The following ZNRF3 variants were observed in gnomAD, a reference collection of about 807,000 sequenced individuals.
ZNRF3 encodes zinc and ring finger 3.
In ZNRF3, 23 loss-of-function variants were observed where a neutral mutation model predicts 72.5. The observed-to-expected ratio is 0.32, with a 90% CI of 0.23 to 0.45. ZNRF3 has a LOEUF of 0.45. Ranked by LOEUF, ZNRF3 falls within the 20% of genes least tolerant of loss-of-function variation. The probability of loss-of-function intolerance (pLI) is 1.00; values close to 1 mark genes in which losing one functional copy is unlikely to be tolerated. For synonymous variants in ZNRF3, 610 were observed against 545.3 expected, an observed-to-expected ratio of 1.12 and a Z score of -1.65; for missense variants, 1,169 against 1,272.1, an observed-to-expected ratio of 0.92 and a Z score of 1.23.
intron 1 of ZNRF3, among the ~76,000 whole-genome samples, chr22:28,954,189 G>T (rs1439207344): frequency 2.0e-5 from 3 of 152,150 alleles, no homozygotes; most frequent in African/African-American, 7.2e-5. Flanking sequence ...AAATACCATG[G>T]ACTGTGTGGT....
intron 1 of ZNRF3, among the ~76,000 whole-genome samples, chr22:28,960,438 G>T (rs1489642147): frequency 6.6e-6 from 1 of 152,176 alleles, no homozygotes; most frequent in African/African-American, 2.4e-5. Flanking sequence ...GGGATCTTCA[G>T]TGGCATCCCA....
At chr22:28,918,051 G>T (rs779515281) in intron 1 of ZNRF3, among the ~76,000 whole-genome samples, 1 of 152,224 alleles carries the variant, frequency 6.6e-6, no homozygotes, top group Admixed American at 6.5e-5. Context: ...AGCTGTTTGC[G>T]TGCTTAGAGG....
At chr22:28,964,209 A>G (rs765296631) in intron 1 of ZNRF3, among the ~76,000 whole-genome samples, 12 of 152,300 alleles carry the variant, frequency 7.9e-5, no homozygotes, top group Non-Finnish European at 1.5e-4. Flanking sequence ...AGAAACCTAT[A>G]TTGATTGTGT....
At chr22:28,932,449 T>C (rs1242129445) in intron 1 of ZNRF3, among the ~76,000 whole-genome samples, 1 of 152,196 alleles carries the variant, frequency 6.6e-6, no homozygotes, top group Non-Finnish European at 1.5e-5. Flanking sequence ...AAAATGTCCA[T>C]TTTGCTGATG....
At chr22:28,918,640 A>C (rs1268608840) in intron 1 of ZNRF3, among the ~76,000 whole-genome samples, 1 of 151,928 alleles carries the variant, frequency 6.6e-6, no homozygotes, top group Non-Finnish European at 1.5e-5. Flanking sequence ...ACAGCCACCA[A>C]GCTTGCCTGG....
At chr22:29,032,030 A>G (rs2123872253) in intron 2 of ZNRF3, among the ~76,000 whole-genome samples, 1 of 152,352 alleles carries the variant, frequency 6.6e-6, no homozygotes, top group Non-Finnish European at 1.5e-5. Context: ...CCAGAGAGCC[A>G]AGGCGCCAGA....
Position 29,050,488 on chromosome 22 carries a change from A to G in ZNRF3, c.2307A>G (p.Thr769=). The G allele has an allele frequency of 1.9e-6, 3 of 1,612,828 alleles. No individual in the cohort carries two copies. Among genetic ancestry groups the G allele is most frequent in the Non-Finnish European group, 2.5e-6 (3 of 1,179,926 alleles). Residue 769 remains threonine, a synonymous_variant, in exon 8 of 9, where the codon ACA becomes ACG. Transcript: ENST00000544604. ...TTCACCCCGACCATTTGCCCAGGAC[A>G]GATGGGGTGAAATACGAGGGTCTGC... ...YGLHPDHLPR[T]DGVKYEGLPC...
At chr22:28,980,490 A>C (rs1219648789) in intron 1 of ZNRF3, among the ~76,000 whole-genome samples, 1 of 152,216 alleles carries the variant, frequency 6.6e-6, no homozygotes, top group Non-Finnish European at 1.5e-5. Context: ...CTTCCTTCCC[A>C]AAATATCCCT....
intron 1 of ZNRF3, among the ~76,000 whole-genome samples, chr22:28,943,790 T>C (rs931170348): frequency 6.6e-6 from 1 of 152,186 alleles, no homozygotes; most frequent in African/African-American, 2.4e-5. Context: ...ATTACCTAAA[T>C]CTCCACACAT....
At chr22:28,957,490 A>G (rs1161997405) in intron 1 of ZNRF3, among the ~76,000 whole-genome samples, 1 of 152,060 alleles carries the variant, frequency 6.6e-6, no homozygotes, top group Non-Finnish European at 1.5e-5. Context: ...CCCAGGCTGG[A>G]GTGCAATGGC....
intron 4 of ZNRF3, 111 bp downstream of exon 4, chr22:29,043,541 C>T (rs1753047111): frequency 7.5e-7 from 1 of 1,342,122 alleles, no homozygotes; most frequent in African/African-American, 1.5e-5. Flanking sequence ...TGGCATACCC[C>T]AGGTTCCTGC....
intron 1 of ZNRF3, among the ~76,000 whole-genome samples, chr22:28,921,899 G>C (rs577690929): frequency 1.3e-5 from 2 of 152,286 alleles, no homozygotes; most frequent in South Asian, 4.1e-4. Flanking sequence ...TGCTACGTTA[G>C]GATTAATATA....
At chr22:28,923,630 G>T (rs999515157) in intron 1 of ZNRF3, among the ~76,000 whole-genome samples, 1 of 151,958 alleles carries the variant, frequency 6.6e-6, no homozygotes, top group Non-Finnish European at 1.5e-5. Context: ...ACCTGGCCCC[G>T]CTTGTTTCAC....
intron 1 of ZNRF3, among the ~76,000 whole-genome samples, chr22:28,956,278 GT>G (rs1264315997): frequency 1.3e-5 from 2 of 149,604 alleles, no homozygotes; most frequent in African/African-American, 2.5e-5. Context: ...GTGATGGATA[GT>G]TTTGGCTTTC....
chr22:29,027,310 G>A (rs918647516), intron 2 of ZNRF3, among the ~76,000 whole-genome samples: 15 of 151,952 alleles, frequency 9.9e-5, no homozygotes, highest in Admixed American at 2.0e-4. Context: ...GTGCAATGGC[G>A]CGATCTTGGC....
At chr22:29,023,880 G>A (rs2036579343) in intron 2 of ZNRF3, among the ~76,000 whole-genome samples, 1 of 152,174 alleles carries the variant, frequency 6.6e-6, no homozygotes, top group African/African-American at 2.4e-5. Flanking sequence ...TTGAGCCAAT[G>A]TCGGCATATT....
intron 2 of ZNRF3, among the ~76,000 whole-genome samples, chr22:29,022,087 G>A (rs1368115137): frequency 6.6e-6 from 1 of 152,130 alleles, no homozygotes; most frequent in Non-Finnish European, 1.5e-5. Context: ...AATTTAACAC[G>A]AATGGAATCA....
Position 29,056,237 on chromosome 22 carries a change from G to GT in ZNRF3, c.*2615_*2616insT, listed in dbSNP as rs2037294760. On this transcript the variant is annotated 3_prime_UTR_variant, in exon 9 of 9. Transcript: ENST00000544604. ...CTGCCTCAGCCTCCCAAGTAGCTGGGATTACAGGCATGCGCCACCACACCC... is the reference window on the plus strand; with the variant it reads ...CTGCCTCAGCCTCCCAAGTAGCTGGGTATTACAGGCATGCGCCACCACACCC... The GT allele has an allele frequency of 6.6e-6, 1 of 152,216 alleles. No individual in the cohort carries two copies. Among genetic ancestry groups the GT allele is most frequent in the Non-Finnish European group, 1.5e-5 (1 of 68,086 alleles). The allele number at this position is 152,216 out of a possible 1,614,324, so 9.4% of individuals were successfully genotyped here. A position where few individuals can be genotyped will look rare whatever the true frequency, so the allele number is the denominator to read the frequency against.
At chr22:28,887,233 A>AGTGTGT (rs1460152534) in intron 1 of ZNRF3, among the ~76,000 whole-genome samples, 1 of 72,854 alleles carries the variant, frequency 1.4e-5, no homozygotes, top group African/African-American at 7.5e-5. Context: ...AGAGAGAGAG[A>AGTGTGT]GAGTGTGTGT....
Sources: gnomAD v4.1 joint callset for allele counts (sites outside exome capture counted in the v4.1 genomes callset) on GRCh38, gnomAD v4.1.1 for gene constraint, MANE v1.5 for transcripts, NCBI Gene and HGNC (gene_info 2026-07-23, HGNC 2026-07-21) for gene names.